Variants in METTL9 observed in about 807,000 individuals in gnomAD.
The protein encoded by METTL9 is methyltransferase 9, His-X-His N1(pi)-histidine, also known as protein-L-histidine N-pros-methyltransferase.
Under a neutral mutation model 36.0 loss-of-function variants are expected in METTL9, and 10 were observed. The observed-to-expected ratio is 0.28, with a 90% CI of 0.17 to 0.47. METTL9 has a LOEUF of 0.47. Ranked by LOEUF, METTL9 falls within the 20% of genes least tolerant of loss-of-function variation. The pLI is 0.99. For missense variants in METTL9, 246 were observed against 383.5 expected (o/e 0.64, Z 3.00); for synonymous variants, 175 against 149.7 (o/e 1.17, Z -1.23).
Position 21,612,789 on chromosome 16 carries a change from G to A in METTL9, c.310G>A (p.Val104Met), listed in dbSNP as rs1188015573. ...WLFIQLYHSF[V>M]SSVFSLFMSR... ...ATTTATCCAATTATATCATTCTTTT[G>A]TGTCATCTGTTTTTAGCCTGTTTAT... Residue 104 changes from valine (V) to methionine (M), a missense_variant, in exon 2 of 5, where the codon GTG (valine) becomes ATG (methionine). By Grantham distance (21) the Val-to-Met change is conservative. Transcript: ENST00000358154. 2 of 1,611,926 alleles carry A rather than the reference G, an allele frequency of 1.2e-6. No homozygotes were observed. The highest frequency in any genetic ancestry group is 8.5e-7 in the Non-Finnish European group (1 of 1,179,378).
In METTL9 at chr16:21,643,152, C is replaced by G. The variant is rs551101179; in HGVS notation, c.752-12075C>G. On this transcript the variant is annotated intron_variant, in intron 4 of 4. Transcript: ENST00000358154. ...CCTGAAAAATACGCCGAGCACTCTT[C>G]TTCTATAAAGACAAATGAGAAAAAA... is the stretch of plus-strand genomic sequence containing the variant. 7.5e-6 allele frequency: 12 copies of G among 1,601,910 alleles called. No individual in the cohort carries two copies. The Admixed American group carries it at 1.3e-4, about 18-fold the overall frequency.
intron 4 of METTL9, among the ~76,000 whole-genome samples, chr16:21,637,998 C>T (rs1333082863): frequency 2.6e-5 from 4 of 152,156 alleles, no homozygotes; most frequent in African/African-American, 9.7e-5. Flanking sequence ...TTTTAATTGT[C>T]ATAGGAAACC....
chr16:21,597,273 G>A (rs766156398), upstream of METTL9: 32 of 1,288,948 alleles, frequency 2.5e-5, no homozygotes, highest in Middle Eastern at 2.1e-4. Context: ...GAAAGACCAC[G>A]AGCTGGGATA....
At chr16:21,618,434 T>C (rs997746667) in intron 3 of METTL9, among the ~76,000 whole-genome samples, 2 of 152,224 alleles carry the variant, frequency 1.3e-5, no homozygotes, top group South Asian at 2.1e-4. Flanking sequence ...TGGTATTAAG[T>C]ACATTTACAT....
intron 4 of METTL9, chr16:21,654,086 G>T (rs1390449969): frequency 7.3e-6 from 1 of 136,500 alleles, no homozygotes; most frequent in African/African-American, 2.8e-5. Flanking sequence ...CTGTCGCCCA[G>T]GCTGGAGTGC....
intron 1 of METTL9, among the ~76,000 whole-genome samples, chr16:21,606,753 C>CTT (rs1365565632): frequency 6.6e-6 from 1 of 152,164 alleles, no homozygotes; most frequent in South Asian, 2.1e-4. Context: ...TAGGAACTCT[C>CTT]TATCAGGAAC....
At chr16:21,651,936 T>C (rs1966587271) in intron 4 of METTL9, 2 of 152,164 alleles carry the variant, frequency 1.3e-5, no homozygotes, top group Non-Finnish European at 2.9e-5. Context: ...CATTAACATT[T>C]TGATATATTT....
intron 4 of METTL9, among the ~76,000 whole-genome samples, chr16:21,632,493 C>T (rs930288887): frequency 2.0e-5 from 3 of 152,116 alleles, no homozygotes; most frequent in African/African-American, 4.8e-5. Flanking sequence ...GAGATCATCT[C>T]GGGCCACATA....
At chr16:21,624,868 G>C in intron 3 of METTL9, 63 bp from the exon 4 acceptor site, 1 of 1,431,484 alleles carries the variant, frequency 7.0e-7, no homozygotes, top group South Asian at 1.2e-5. Context: ...TGTCATCTCA[G>C]TTATTTTTAA....
At chr16:21,613,218 C>T (rs935205069) in intron 2 of METTL9, among the ~76,000 whole-genome samples, 2 of 117,958 alleles carry the variant, frequency 1.7e-5, no homozygotes, top group Non-Finnish European at 3.2e-5. Context: ...GACAGTCCTG[C>T]TCTGTTTCCC....
rs1965840374 is a variant in METTL9, at chr16:21,627,426, C to T, written c.751+2311C>T. The stretch of plus-strand genomic sequence containing the variant: ...AATGAAAAAAATACCATTCTAATTT[C>T]AGTTTATTTGGTTTACTGACCCAGT... On this transcript the variant is annotated intron_variant, in intron 4 of 4. Transcript: ENST00000358154. 4 of 977,288 alleles carry T rather than the reference C, an allele frequency of 4.1e-6. No individual in the cohort carries two copies. The African/African-American group carries it at 7.0e-5, about 17-fold the overall frequency. The allele number at this position is 977,288 out of a possible 1,614,324, so 60.5% of individuals were successfully genotyped here. A position where few individuals can be genotyped will look rare whatever the true frequency, so the allele number is the denominator to read the frequency against.
chr16:21,616,261 C>T (rs1309953491), intron 2 of METTL9, among the ~76,000 whole-genome samples: 2 of 152,128 alleles, frequency 1.3e-5, no homozygotes, highest in Non-Finnish European at 2.9e-5. Flanking sequence ...GGAGGAAGTG[C>T]CTCAGGAACT....
chr16:21,602,342 T>C (rs1253380674), intron 1 of METTL9, among the ~76,000 whole-genome samples: 1 of 152,204 alleles, frequency 6.6e-6, no homozygotes, highest in Non-Finnish European at 1.5e-5. Context: ...ATTTTGTTAG[T>C]ATAGTTTGGA....
intron 4 of METTL9, among the ~76,000 whole-genome samples, chr16:21,636,771 C>T (rs979484732): frequency 1.3e-5 from 2 of 152,160 alleles, no homozygotes; most frequent in African/African-American, 2.4e-5. Context: ...GTCTTTAGCC[C>T]GGTGGCTGCG....
chr16:21,653,356 C>T (rs117192493), intron 4 of METTL9: 2,506 of 152,356 alleles, frequency 0.016, 44 homozygotes, highest in Non-Finnish European at 0.027. Context: ...CAGGTGTGAG[C>T]CACCATGCCT....
At position 21,655,467 on chromosome 16, in the gene METTL9, C is replaced by A. The variant is rs756443301; in HGVS notation, c.*35C>A. 1.3e-6 allele frequency: 2 copies of A among 1,562,870 alleles called. No individual in the cohort carries two copies. Among genetic ancestry groups the A allele is most frequent in the South Asian group, 2.3e-5 (2 of 87,824 alleles). On this transcript the variant is annotated 3_prime_UTR_variant, in exon 5 of 5. Coordinates refer to ENST00000358154, the MANE Select transcript of METTL9 (RefSeq NM_016025.5). Reference sequence around the variant, plus strand: ...GGTCGAAGTCTTCAGAGTCCGCACCCTCCGGGATGTGCCCTTGGAAGAGGG... The same window carrying A: ...GGTCGAAGTCTTCAGAGTCCGCACCATCCGGGATGTGCCCTTGGAAGAGGG...
intron 4 of METTL9, among the ~76,000 whole-genome samples, chr16:21,638,462 ATTT>A (rs1225001537): frequency 6.6e-6 from 1 of 152,212 alleles, no homozygotes; most frequent in Non-Finnish European, 1.5e-5. Flanking sequence ...ACATATCTCA[ATTT>A]AAATGCTGAA....
chr16:21,655,040 C>A, intron 4 of METTL9, 187 bp from the exon 5 acceptor site: 1 of 606,210 alleles, frequency 1.6e-6, no homozygotes, highest in Non-Finnish European at 2.9e-6. Context: ...GTTCTTCACC[C>A]CTTCTGAGTC....
intron 4 of METTL9, chr16:21,643,216 A>G (rs1597782950): frequency 1.6e-6 from 2 of 1,284,432 alleles, no homozygotes; most frequent in Non-Finnish European, 2.2e-6. Context: ...ATAACGACGC[A>G]TCATCAGAAC....
Sources: gnomAD v4.1 joint callset for allele counts (sites outside exome capture counted in the v4.1 genomes callset) on GRCh38, gnomAD v4.1.1 for gene constraint, MANE v1.5 for transcripts, NCBI Gene and HGNC (gene_info 2026-07-23, HGNC 2026-07-21) for gene names.